ATXN10: variants seen among roughly 807,000 people sequenced by gnomAD.
The protein encoded by ATXN10 is ataxin 10, also known as ataxin-10.
ATXN10 carries 28 observed loss-of-function variants against 52.9 expected under a neutral mutation model. The observed-to-expected ratio is 0.53, with a 90% CI of 0.39 to 0.73. The LOEUF (loss-of-function observed/expected upper bound fraction) is 0.73, where lower values mean the gene tolerates loss of function less well. Ranked by LOEUF, ATXN10 falls within the 30% of genes least tolerant of loss-of-function variation. The pLI is 0.00. For missense variants in ATXN10, 565 were observed against 577.0 expected (o/e 0.98, Z 0.21); for synonymous variants, 226 against 221.5 (o/e 1.02, Z -0.18).
intron 10 of ATXN10, among the ~76,000 whole-genome samples, chr22:45,834,383 C>G (rs188464082): frequency 2.0e-5 from 3 of 152,164 alleles, no homozygotes; most frequent in Non-Finnish European, 4.4e-5. Context: ...TCATAAATCC[C>G]CTATCGTTAG....
chr22:45,695,839 A>G (rs1201955125), intron 3 of ATXN10, among the ~76,000 whole-genome samples: 1 of 152,194 alleles, frequency 6.6e-6, no homozygotes, highest in Admixed American at 6.5e-5. Context: ...TTCTCTTGGT[A>G]GATAGACAAG....
chr22:45,769,731 T>C lies in ATXN10; in HGVS notation c.1173+29193T>C, dbSNP rs1394427991. On this transcript the variant is annotated intron_variant, in intron 9 of 11. Coordinates refer to ENST00000252934, the MANE Select transcript of ATXN10 (RefSeq NM_013236.4). This position sits in a 1 kb window ranked among gnomAD's most constrained non-coding sequence, Gnocchi z 4.2. ...TCCTGGCCAGGAGCCAGGCCTCTTTTCTCTTGCCTTCTCGAGTAGCCTGAC... is the reference window on the plus strand; with the variant it reads ...TCCTGGCCAGGAGCCAGGCCTCTTTCCTCTTGCCTTCTCGAGTAGCCTGAC... 6.6e-6 allele frequency among the ~76,000 whole-genome samples: 1 copy of C among 152,156 alleles called. No homozygotes were observed. Among genetic ancestry groups the C allele is most frequent in the Non-Finnish European group, 1.5e-5 (1 of 68,020 alleles).
At position 45,782,373 on chromosome 22, in the gene ATXN10, G is replaced by A. The variant is rs191805253; in HGVS notation, c.1174-24586G>A. On this transcript the variant is annotated intron_variant, in intron 9 of 11. Transcript: ENST00000252934. The stretch of plus-strand genomic sequence containing the variant: ...GCCATGAACACAAACGTTCATGGCA[G>A]CCTAATTTATAATAGCCAAAGACTG... Among the ~76,000 whole-genome samples, 178 of 152,308 alleles carry A rather than the reference G, an allele frequency of 1.2e-3. 2 individuals carry two copies. The South Asian group carries it at 0.021, about 18-fold the overall frequency.
At chr22:45,711,806 A>G (rs920695286) in intron 5 of ATXN10, among the ~76,000 whole-genome samples, 4 of 152,194 alleles carry the variant, frequency 2.6e-5, no homozygotes, top group Admixed American at 6.5e-5. Context: ...TAGAATTAGT[A>G]TAGTTGTCAG....
At chr22:45,736,357 T>C (rs80091482) in intron 7 of ATXN10, among the ~76,000 whole-genome samples, 295 of 152,260 alleles carry the variant, frequency 1.9e-3, no homozygotes, top group Middle Eastern at 6.8e-3. Context: ...AAGTATAATA[T>C]GAAGAAAACA....
At chr22:45,822,523 A>T (rs559074352) in intron 10 of ATXN10, among the ~76,000 whole-genome samples, 3 of 96,608 alleles carry the variant, frequency 3.1e-5, no homozygotes. Context: ...AATTTCTCCA[A>T]TTTTTTTTTT....
intron 10 of ATXN10, among the ~76,000 whole-genome samples, chr22:45,810,200 C>T (rs1018628319): frequency 1.3e-5 from 2 of 152,190 alleles, no homozygotes; most frequent in African/African-American, 2.4e-5. Flanking sequence ...GTAGCGCCAC[C>T]TTTATCAGAA....
chr22:45,733,037 A>T lies in ATXN10; in HGVS notation c.894+3447A>T, dbSNP rs1925149607. ...TTTGGGTTCTCATGTTAATGTACTT[A>T]TTCCTGTCTTTTGATATATTTTGTA... On this transcript the variant is annotated intron_variant, in intron 7 of 11. Coordinates refer to ENST00000252934, the MANE Select transcript of ATXN10 (RefSeq NM_013236.4). This position sits in a 1 kb window ranked among gnomAD's most constrained non-coding sequence, Gnocchi z 4.4. 6.6e-6 allele frequency among the ~76,000 whole-genome samples: 1 copy of T among 152,170 alleles called. No individual in the cohort carries two copies. The highest frequency in any genetic ancestry group is 6.5e-5 in the Admixed American group (1 of 15,280).
Position 45,690,353 on chromosome 22 carries a change from G to T in ATXN10, c.308+450G>T, listed in dbSNP as rs1171302150. Among the ~76,000 whole-genome samples the T allele has an allele frequency of 6.6e-6, 1 of 151,974 alleles. No homozygotes were observed. Among genetic ancestry groups the T allele is most frequent in the Non-Finnish European group, 1.5e-5 (1 of 68,020 alleles). ...TATTGCAGGATTGCCCTTTACATCT[G>T]CTGGGAGAGGCCCTCTACAGGCCTT... On this transcript the variant is annotated intron_variant, in intron 2 of 11. Transcript: ENST00000252934. The surrounding 1 kb of genome is among the most constrained non-coding windows in gnomAD (Gnocchi z 4.5).
At chr22:45,673,315 A>G (rs1251097826) in intron 1 of ATXN10, 1 of 152,296 alleles carries the variant, frequency 6.6e-6, no homozygotes, top group Non-Finnish European at 1.5e-5. Flanking sequence ...GAAGAAAGAA[A>G]TACTGAGACT....
rs1240551716 is a variant in ATXN10 at position 45,781,050 on chromosome 22, C to G, written c.1174-25909C>G. Among the ~76,000 whole-genome samples, 1 of 152,218 alleles carries G rather than the reference C, an allele frequency of 6.6e-6. No homozygotes were observed. The highest frequency in any genetic ancestry group is 1.5e-5 in the Non-Finnish European group (1 of 68,042). On this transcript the variant is annotated intron_variant, in intron 9 of 11. Transcript: ENST00000252934. The surrounding 1 kb of genome is among the most constrained non-coding windows in gnomAD (Gnocchi z 4.2). ...ACCAGAAAGCCCTGAGGAAAGCTCACTCTTTCTCCCTAAAGGACCAAGAAG... is the reference window on the plus strand; with the variant it reads ...ACCAGAAAGCCCTGAGGAAAGCTCAGTCTTTCTCCCTAAAGGACCAAGAAG...
intron 9 of ATXN10, among the ~76,000 whole-genome samples, chr22:45,756,957 G>A (rs1048395665): frequency 1.7e-4 from 26 of 152,152 alleles, no homozygotes; most frequent in Non-Finnish European, 1.5e-4. Context: ...ATTTCTCATC[G>A]TGTGAATCCC....
At position 45,708,422 on chromosome 22, in the gene ATXN10, A is replaced by G. The variant is rs568656605; in HGVS notation, c.647+5575A>G. Among the ~76,000 whole-genome samples the G allele has an allele frequency of 1.3e-5, 2 of 152,314 alleles. No homozygotes were observed. Among genetic ancestry groups the G allele is most frequent in the East Asian group, 1.9e-4 (1 of 5,182 alleles). On this transcript the variant is annotated intron_variant, in intron 5 of 11. Transcript: ENST00000252934. The surrounding 1 kb of genome is among the most constrained non-coding windows in gnomAD (Gnocchi z 5.3). ...GCCATCCTGTGAATTGTATTTTGCTACTATGTACCTATGAAAGTTAAGCAG... is the reference window on the plus strand; with the variant it reads ...GCCATCCTGTGAATTGTATTTTGCTGCTATGTACCTATGAAAGTTAAGCAG...
In ATXN10 at chr22:45,714,729, A is replaced by G. The variant is rs563122093; in HGVS notation, c.648-3684A>G. On this transcript the variant is annotated intron_variant, in intron 5 of 11. Transcript: ENST00000252934. ...AGTTTTTGATTTTTTTAGTAGATGAATTAATCAGTCTTTTAAAAAAATGTG... is the reference window on the plus strand; with the variant it reads ...AGTTTTTGATTTTTTTAGTAGATGAGTTAATCAGTCTTTTAAAAAAATGTG... Among the ~76,000 whole-genome samples, 14 of 152,250 alleles carry G rather than the reference A, an allele frequency of 9.2e-5. No homozygotes were observed. In the East Asian group the frequency reaches 2.3e-3, roughly 25 times the overall value.
chr22:45,674,582 G>C (rs1766749899), intron 1 of ATXN10: 1 of 152,220 alleles, frequency 6.6e-6, no homozygotes, highest in Non-Finnish European at 1.5e-5. Context: ...GTCCTTGGGG[G>C]TCTCCTCTTC....
At chr22:45,675,718 A>C (rs1181271929) in intron 1 of ATXN10, 1 of 152,184 alleles carries the variant, frequency 6.6e-6, no homozygotes, top group Non-Finnish European at 1.5e-5. Flanking sequence ...TGAGATCATA[A>C]ATGTTATTGT....
chr22:45,823,127 C>T lies in ATXN10; in HGVS notation c.1237+16105C>T, dbSNP rs1458306033. On this transcript the variant is annotated intron_variant, in intron 10 of 11. Transcript: ENST00000252934. The surrounding 1 kb of genome is among the most constrained non-coding windows in gnomAD (Gnocchi z 4.9). ...CTTGACATAAGTACAGATGTATGTA[C>T]GCATCACCCAGATGGAAATACAGAA... 2 of 471,542 alleles carry T rather than the reference C, an allele frequency of 4.2e-6. No individual in the cohort carries two copies. The highest frequency in any genetic ancestry group is 1.6e-5 in the South Asian group (1 of 64,500). The allele number at this position is 471,542 out of a possible 1,614,324, so 29.2% of individuals were successfully genotyped here. A position where few individuals can be genotyped will look rare whatever the true frequency, so the allele number is the denominator to read the frequency against.
At chr22:45,793,858 G>A in intron 9 of ATXN10, 1 of 1,283,152 alleles carries the variant, frequency 7.8e-7, no homozygotes, top group Non-Finnish European at 9.9e-7. Context: ...GCTGGTGGTG[G>A]TAAACAGCAA....
In ATXN10 at chr22:45,823,164, C is replaced by T. The variant is rs1380207213; in HGVS notation, c.1237+16142C>T. The T allele has an allele frequency of 2.1e-6, 1 of 471,798 alleles. No individual in the cohort carries two copies. Among genetic ancestry groups the T allele is most frequent in the Admixed American group, 2.3e-5 (1 of 42,586 alleles). 29.2% of individuals were successfully genotyped at this position (471,798 alleles called of 1,614,324 possible). A position where few individuals can be genotyped will look rare whatever the true frequency, so the allele number is the denominator to read the frequency against. ...ATGGAAATACAGAACATGCCCATCT[C>T]CCTAGGCGGCTTCTTGAGTGTCCCG... On this transcript the variant is annotated intron_variant, in intron 10 of 11. Transcript: ENST00000252934. The surrounding 1 kb of genome is among the most constrained non-coding windows in gnomAD (Gnocchi z 4.9).
Sources: gnomAD v4.1 joint callset for allele counts (sites outside exome capture counted in the v4.1 genomes callset) on GRCh38, gnomAD v4.1.1 for gene constraint, Gnocchi (gnomAD v3.1) non-coding constraint, MANE v1.5 for transcripts, NCBI Gene and HGNC (gene_info 2026-07-23, HGNC 2026-07-21) for gene names.